RGS9: variants seen among roughly 807,000 people sequenced by gnomAD.
The protein encoded by RGS9 is regulator of G protein signaling 9.
Under a neutral mutation model 102.0 loss-of-function variants are expected in RGS9, and 78 were observed. That is an observed-to-expected ratio of 0.76 (90% CI 0.64 to 0.92). The LOEUF (loss-of-function observed/expected upper bound fraction) is 0.92, where lower values mean the gene tolerates loss of function less well. Among genes scored for constraint, RGS9 ranks in the 40% least tolerant of loss-of-function variants. The probability of loss-of-function intolerance (pLI) is 0.00; values close to 1 mark genes in which losing one functional copy is unlikely to be tolerated. For missense variants in RGS9, 833 were observed against 866.1 expected, an observed-to-expected ratio of 0.96 and a Z score of 0.48; for synonymous variants, 353 against 318.6, an observed-to-expected ratio of 1.11 and a Z score of -1.15.
At chr17:65,146,992 T>TAG (rs965856868) in intron 1 of RGS9, among the ~76,000 whole-genome samples, 5 of 152,076 alleles carry the variant, frequency 3.3e-5, no homozygotes, top group African/African-American at 1.2e-4. Context: ...TCCTGCAGCC[T>TAG]GTTGCCTCCT....
chr17:65,180,998 A>G (rs7211506), intron 9 of RGS9, among the ~76,000 whole-genome samples: 61,924 of 152,116 alleles, frequency 0.41, 17,190 homozygotes, highest in African/African-American at 0.79. Context: ...TTATGGCTGC[A>G]TAGTATTCCA....
chr17:65,187,911 A>G (rs956461340), intron 9 of RGS9, among the ~76,000 whole-genome samples: 1 of 152,176 alleles, frequency 6.6e-6, no homozygotes, highest in African/African-American at 2.4e-5. Flanking sequence ...CAGGAGAATC[A>G]CTTGAACCCT....
intron 17 of RGS9, among the ~76,000 whole-genome samples, chr17:65,223,752 C>CTTTTTTT (rs528795738): frequency 7.3e-6 from 1 of 137,594 alleles, no homozygotes; most frequent in Non-Finnish European, 1.6e-5. Context: ...TCATGCCAGG[C>CTTTTTTT]TTTTTTTTTT....
intron 17 of RGS9, among the ~76,000 whole-genome samples, chr17:65,214,088 G>C (rs1913404566): frequency 6.6e-6 from 1 of 152,098 alleles, no homozygotes; most frequent in Non-Finnish European, 1.5e-5. Flanking sequence ...CAGCTTCCCA[G>C]GTAGCTGGGA....
At chr17:65,206,768 G>T (rs1913080033) in intron 15 of RGS9, among the ~76,000 whole-genome samples, 1 of 152,186 alleles carries the variant, frequency 6.6e-6, no homozygotes, top group Non-Finnish European at 1.5e-5. Context: ...AGCCAGAATG[G>T]AACAGTCATT....
chr17:65,195,971 A>G (rs997115589), intron 12 of RGS9, among the ~76,000 whole-genome samples: 2 of 152,226 alleles, frequency 1.3e-5, no homozygotes, highest in Non-Finnish European at 2.9e-5. Flanking sequence ...TGAGGTTGGG[A>G]CCCAGCAATC....
At chr17:65,202,835 C>T (rs1284795188) in intron 14 of RGS9, among the ~76,000 whole-genome samples, 2 of 152,192 alleles carry the variant, frequency 1.3e-5, no homozygotes, top group Non-Finnish European at 2.9e-5. Flanking sequence ...CCTCCCCCTA[C>T]AGGCCTGGTG....
intron 17 of RGS9, among the ~76,000 whole-genome samples, chr17:65,221,352 G>T (rs976183169): frequency 6.6e-6 from 1 of 152,156 alleles, no homozygotes; most frequent in South Asian, 2.1e-4. Flanking sequence ...AACCTCAGTT[G>T]TCTTATCTGT....
At chr17:65,223,750 G>A (rs1282372835) in intron 17 of RGS9, among the ~76,000 whole-genome samples, 4 of 143,566 alleles carry the variant, frequency 2.8e-5, no homozygotes, top group Non-Finnish European at 5.9e-5. Context: ...GTTCATGCCA[G>A]GCTTTTTTTT....
At chr17:65,201,496 G>A (rs16961137) in intron 13 of RGS9, among the ~76,000 whole-genome samples, 11,518 of 152,262 alleles carry the variant, frequency 0.076, 663 homozygotes, top group African/African-American at 0.15. Flanking sequence ...GTCATTCAAC[G>A]GGAGCAAAGG....
chr17:65,183,101 T>TATCTATCCATCC (rs1555614018), intron 9 of RGS9, among the ~76,000 whole-genome samples: 12 of 149,316 alleles, frequency 8.0e-5, no homozygotes, highest in African/African-American at 3.0e-4. Context: ...TCTATCTATC[T>TATCTATCCATCC]ATCTATCTAC....
intron 9 of RGS9, among the ~76,000 whole-genome samples, chr17:65,187,910 C>T (rs1031858094): frequency 6.6e-6 from 1 of 152,182 alleles, no homozygotes; most frequent in African/African-American, 2.4e-5. Flanking sequence ...GCAGGAGAAT[C>T]ACTTGAACCC....
chr17:65,156,424 C>G (rs1037844138), intron 2 of RGS9, among the ~76,000 whole-genome samples: 2 of 152,270 alleles, frequency 1.3e-5, no homozygotes, highest in African/African-American at 4.8e-5. Context: ...GTCGCCCATC[C>G]TGCCATGGCT....
intron 17 of RGS9, 152 bp downstream of exon 17, chr17:65,210,757 A>G: frequency 1.5e-6 from 2 of 1,315,000 alleles, no homozygotes; most frequent in Non-Finnish European, 2.1e-6. Context: ...CCATTTGTGG[A>G]GGTCATCAGG....
intron 9 of RGS9, among the ~76,000 whole-genome samples, chr17:65,186,319 C>G (rs181229229): frequency 6.6e-6 from 1 of 151,672 alleles, no homozygotes; most frequent in Non-Finnish European, 1.5e-5. Context: ...GGGTCAGTCC[C>G]GCCTCCACCC....
chr17:65,215,474 C>CTCTCTCTT (rs1913461523), intron 17 of RGS9, among the ~76,000 whole-genome samples: 1 of 137,046 alleles, frequency 7.3e-6, no homozygotes, highest in African/African-American at 3.2e-5. Flanking sequence ...TTCTTTCTTT[C>CTCTCTCTT]TCTATCTTTC....
At chr17:65,222,709 G>A (rs1447241428) in intron 17 of RGS9, among the ~76,000 whole-genome samples, 1 of 152,214 alleles carries the variant, frequency 6.6e-6, no homozygotes, top group Non-Finnish European at 1.5e-5. Context: ...GTCCTAAGTA[G>A]AGTTGCACCT....
chr17:65,189,373 G>A (rs1240519450), intron 10 of RGS9, 58 bp downstream of exon 10: 3 of 1,358,210 alleles, frequency 2.2e-6, no homozygotes, highest in African/African-American at 2.9e-5. Context: ...CAGGTTATAT[G>A]TACTTTGTTT....
chr17:65,165,196 G>A (rs958510739), intron 7 of RGS9, among the ~76,000 whole-genome samples: 14 of 152,030 alleles, frequency 9.2e-5, no homozygotes, highest in African/African-American at 2.2e-4. Flanking sequence ...TTTCTTGGGC[G>A]CTCTGGGTGC....
Sources: allele counts gnomAD v4.1 joint callset (sites outside exome capture counted in the v4.1 genomes callset), GRCh38; gene constraint gnomAD v4.1.1; transcripts MANE v1.5; gene names NCBI Gene and HGNC (gene_info 2026-07-23, HGNC 2026-07-21).